The following SHROOM3 variants were observed in gnomAD, a reference collection of about 807,000 sequenced individuals.
SHROOM3 encodes protein Shroom3.
Under a neutral mutation model 138.6 loss-of-function variants are expected in SHROOM3, and 47 were observed. The ratio of observed to expected loss-of-function variants is 0.34; its 90% CI spans 0.27 to 0.43. The LOEUF (loss-of-function observed/expected upper bound fraction) is 0.43. SHROOM3 is among the 20% of genes least tolerant of loss of function. The pLI, the probability that SHROOM3 is intolerant of heterozygous loss-of-function variation, is 1.00. For synonymous variants in SHROOM3, 1,062 were observed against 1,063.3 expected (o/e 1.00, Z 0.02); for missense variants, 2,491 against 2,596.5 (o/e 0.96, Z 0.88).
intron 1 of SHROOM3, among the ~76,000 whole-genome samples, chr4:76,515,927 A>C (rs1421134244): frequency 6.6e-6 from 1 of 152,182 alleles, no homozygotes; most frequent in Non-Finnish European, 1.5e-5. Context: ...ATCTGTTCTC[A>C]AACTCCAGGT....
chr4:76,556,895 C>G (rs1340214511), intron 2 of SHROOM3, among the ~76,000 whole-genome samples: 4 of 152,112 alleles, frequency 2.6e-5, no homozygotes, highest in African/African-American at 4.8e-5. Context: ...ACTGTGTCTC[C>G]AGGCTCTAGT....
At chr4:76,469,623 A>T (rs1179253794) in intron 1 of SHROOM3, among the ~76,000 whole-genome samples, 2 of 152,134 alleles carry the variant, frequency 1.3e-5, no homozygotes, top group South Asian at 2.1e-4. Context: ...CACCCAGCTA[A>T]TTTTTTGTAT....
chr4:76,752,105 G>A (rs751796300), intron 6 of SHROOM3, among the ~76,000 whole-genome samples: 36 of 152,112 alleles, frequency 2.4e-4, no homozygotes, highest in Non-Finnish European at 8.8e-5. Flanking sequence ...AACAAAATGT[G>A]GTATAGCCAT....
intron 2 of SHROOM3, among the ~76,000 whole-genome samples, chr4:76,687,078 T>C (rs1719363829): frequency 6.6e-6 from 1 of 152,208 alleles, no homozygotes; most frequent in African/African-American, 2.4e-5. Flanking sequence ...GATAACCTAT[T>C]TAAAAACGTC....
rs1270935579 is a variant in SHROOM3 at position 76,779,150 on chromosome 4, T to C, written c.5964T>C (p.Ile1988=). The C allele has an allele frequency of 6.2e-7, 1 of 1,613,106 alleles. No homozygotes were observed. The highest frequency in any genetic ancestry group is 1.3e-5 in the African/African-American group (1 of 74,884). The change falls in exon 11 of 11, where the codon ATT becomes ATC. Residue 1988 remains isoleucine, a synonymous_variant. Transcript: ENST00000296043. ...CTGGGGGCTGTACTTTCAGTGGTATTTTCCCAACATTAACCTCTCCACTTT... is the reference window on the plus strand; with the variant it reads ...CTGGGGGCTGTACTTTCAGTGGTATCTTCCCAACATTAACCTCTCCACTTT... The part of the protein sequence containing the change: ...IPAGGCTFSG[I]FPTLTSPL
intron 10 of SHROOM3, among the ~76,000 whole-genome samples, chr4:76,771,744 C>T (rs1049301775): frequency 6.6e-6 from 1 of 152,200 alleles, no homozygotes. Flanking sequence ...ATCCTCACAA[C>T]AGCCCAGTGA....
intron 4 of SHROOM3, among the ~76,000 whole-genome samples, chr4:76,737,019 C>A (rs1721091802): frequency 1.3e-5 from 2 of 152,212 alleles, no homozygotes; most frequent in African/African-American, 4.8e-5. Context: ...ATGTATCCAT[C>A]ATTATAGTAT....
At chr4:76,689,848 G>A (rs1405699995) in intron 2 of SHROOM3, 3 of 735,000 alleles carry the variant, frequency 4.1e-6, no homozygotes, top group Admixed American at 6.3e-5. Context: ...CCAGCACCCC[G>A]GCTGATGGGG....
intron 2 of SHROOM3, among the ~76,000 whole-genome samples, chr4:76,598,829 G>A (rs1001539338): frequency 1.3e-5 from 2 of 152,176 alleles, no homozygotes; most frequent in African/African-American, 2.4e-5. Flanking sequence ...TAATTAAAAG[G>A]CAGAGTAGTG....
rs77669649 is a variant in SHROOM3 at position 76,446,338 on chromosome 4, A to G, written c.168+10118A>G. The stretch of plus-strand genomic sequence containing the variant: ...TTGATAAACTGGTAAAAAAAAAAAA[A>G]AAAAGTGGAATGCATGAACTGTGTG... On this transcript the variant is annotated intron_variant, in intron 1 of 10. Transcript: ENST00000296043. Among the ~76,000 whole-genome samples, 454 of 152,216 alleles carry G rather than the reference A, an allele frequency of 3.0e-3. 2 individuals are homozygous for G. Among genetic ancestry groups the G allele is most frequent in the African/African-American group, 0.01 (432 of 41,518 alleles).
At chr4:76,642,949 G>A (rs1735713123) in intron 2 of SHROOM3, among the ~76,000 whole-genome samples, 1 of 152,124 alleles carries the variant, frequency 6.6e-6, no homozygotes, top group Non-Finnish European at 1.5e-5. Context: ...GCTCATGCCT[G>A]TAATCCCAGC....
chr4:76,465,195 T>G (rs1361622209), intron 1 of SHROOM3, among the ~76,000 whole-genome samples: 3 of 152,270 alleles, frequency 2.0e-5, no homozygotes, highest in African/African-American at 7.2e-5. Flanking sequence ...TATGTATGTA[T>G]GCATACCTAT....
rs149703148 is a variant in SHROOM3, at chr4:76,740,615, C to T, written c.2442C>T (p.Thr814=). The T allele has an allele frequency of 1.5e-4, 249 of 1,614,052 alleles. No homozygotes were observed. The highest frequency in any genetic ancestry group is 2.1e-4 in the Non-Finnish European group (244 of 1,180,036). ...GCCATAACTATAGGCCCCACAGGAC[C>T]GTCTCAACTTCCAGTACTTCTGGGA... ...GFGHNYRPHR[T]VSTSSTSGND... Residue 814 remains threonine (T), a synonymous_variant, in exon 5 of 11, where the codon ACC becomes ACT. Transcript: ENST00000296043. The surrounding 1 kb of genome is among the most constrained non-coding windows in gnomAD (Gnocchi z 4.0).
At chr4:76,461,240 A>G (rs941554439) in intron 1 of SHROOM3, among the ~76,000 whole-genome samples, 11 of 152,156 alleles carry the variant, frequency 7.2e-5, no homozygotes, top group Non-Finnish European at 1.2e-4. Flanking sequence ...AGGGACCAGG[A>G]TTGACTCTAG....
chr4:76,522,787 CAAATAA>C (rs927000733), intron 1 of SHROOM3, among the ~76,000 whole-genome samples: 5 of 151,158 alleles, frequency 3.3e-5, no homozygotes, highest in African/African-American at 4.9e-5. Context: ...GACTCTGTCT[CAAATAA>C]AAATAAAAAT....
rs575044599 is a variant in SHROOM3, at chr4:76,512,164, A to G, written c.169-43445A>G. Among the ~76,000 whole-genome samples, 5 of 152,310 alleles carry G rather than the reference A, an allele frequency of 3.3e-5. No homozygotes were observed. In the South Asian group the frequency reaches 1.0e-3, roughly 32 times the overall value. On this transcript the variant is annotated intron_variant, in intron 1 of 10. Transcript: ENST00000296043. ...AAGATAGGGCCAAAGGTCAAGTTAA[A>G]GGATTGACATGTAGACTAGAAGGAA...
chr4:76,671,363 C>T (rs1360477908), intron 2 of SHROOM3, among the ~76,000 whole-genome samples: 1 of 152,214 alleles, frequency 6.6e-6, no homozygotes, highest in African/African-American at 2.4e-5. Context: ...CCAATGGCTT[C>T]CAGTTGCCTT....
intron 2 of SHROOM3, among the ~76,000 whole-genome samples, chr4:76,659,403 A>G (rs987868088): frequency 2.0e-5 from 3 of 152,232 alleles, no homozygotes; most frequent in African/African-American, 7.2e-5. Context: ...TGGAAAAAGT[A>G]CAGCCCATAG....
intron 2 of SHROOM3, among the ~76,000 whole-genome samples, chr4:76,690,135 C>G (rs1359269328): frequency 6.6e-6 from 1 of 152,138 alleles, no homozygotes; most frequent in Non-Finnish European, 1.5e-5. Flanking sequence ...TACCCCCAAC[C>G]CCCACTTGCT....
Sources: allele counts gnomAD v4.1 joint callset (sites outside exome capture counted in the v4.1 genomes callset), GRCh38; gene constraint gnomAD v4.1.1; non-coding constraint Gnocchi (gnomAD v3.1); transcripts MANE v1.5; gene names NCBI Gene and HGNC (gene_info 2026-07-23, HGNC 2026-07-21).